The following PCDH11X variants were observed in gnomAD, a reference collection of about 807,000 sequenced individuals.
The protein encoded by PCDH11X is protocadherin-11 X-linked.
PCDH11X carries 18 observed loss-of-function variants against 53.3 expected under a neutral mutation model. The ratio of observed to expected loss-of-function variants is 0.34; its 90% CI spans 0.23 to 0.50. The LOEUF (loss-of-function observed/expected upper bound fraction) is 0.50, where lower values mean the gene tolerates loss of function less well. PCDH11X is among the 20% of genes least tolerant of loss of function. The pLI is 0.98. For missense variants in PCDH11X, 570 were observed against 1,032.4 expected (o/e 0.55, Z 6.14); for synonymous variants, 279 against 393.3 (o/e 0.71, Z 3.44).
At chrX:92,412,787 C>A (rs2071718871) in intron 9 of PCDH11X, among the ~76,000 whole-genome samples, 1 of 108,019 alleles carries the variant, frequency 9.3e-6, no homozygotes, top group Admixed American at 1.0e-4. Flanking sequence ...GTCTCTCTCT[C>A]TGTCTCTGTG....
intron 9 of PCDH11X, among the ~76,000 whole-genome samples, chrX:92,414,648 G>A: frequency 9.2e-6 from 1 of 109,231 alleles, no homozygotes; most frequent in Non-Finnish European, 1.9e-5. Flanking sequence ...TCACCATATT[G>A]ACACATACAC....
intron 4 of PCDH11X, among the ~76,000 whole-genome samples, chrX:91,813,010 G>T (rs1298638175): frequency 9.0e-6 from 1 of 110,995 alleles, no homozygotes; most frequent in Non-Finnish European, 1.9e-5. Flanking sequence ...CCTGTTATTT[G>T]TACCAGGTTT....
chrX:92,608,242 A>T (rs1199618553), intron 10 of PCDH11X, among the ~76,000 whole-genome samples: 3 of 96,672 alleles, frequency 3.1e-5, no homozygotes. Context: ...TGTGAAAACA[A>T]ATTATACTAA....
chrX:92,154,469 A>G (rs1461338966), intron 6 of PCDH11X, among the ~76,000 whole-genome samples: 2 of 106,901 alleles, frequency 1.9e-5, no homozygotes, highest in Admixed American at 2.0e-4. Flanking sequence ...GCGTAGAGAA[A>G]AGCATGTCCC....
At chrX:92,069,810 T>C (rs2063671006) in intron 6 of PCDH11X, among the ~76,000 whole-genome samples, 1 of 111,462 alleles carries the variant, frequency 9.0e-6, no homozygotes, top group African/African-American at 3.3e-5. Context: ...GCCCCGCAAG[T>C]AGCTGGGATT....
chrX:92,459,050 C>G (rs35704033), intron 9 of PCDH11X, among the ~76,000 whole-genome samples: 15,819 of 105,924 alleles, frequency 0.15, 1,014 homozygotes, highest in Non-Finnish European at 0.19. Context: ...GTGATTGCCT[C>G]TCTTTTGGAT....
chrX:92,423,545 A>G (rs2072026400), intron 9 of PCDH11X, among the ~76,000 whole-genome samples: 1 of 91,153 alleles, frequency 1.1e-5, no homozygotes. Context: ...TTTGGGTTCT[A>G]GGTCATGAAG....
chrX:91,818,450 A>G (rs1936522148), intron 4 of PCDH11X, among the ~76,000 whole-genome samples: 2 of 110,901 alleles, frequency 1.8e-5, no homozygotes, highest in Admixed American at 9.7e-5. Context: ...CTGTAATCCC[A>G]GCACTTTGGG....
chrX:92,279,665 T>C lies in PCDH11X; in HGVS notation c.3144+16522T>C, dbSNP rs142776911. ...TTAAACAAACGCTCCTATTAACTTT[T>C]ACTTGCCAATATATTTAACTTTTAC... On this transcript the variant is annotated intron_variant, in intron 8 of 10. Coordinates refer to ENST00000682573, the MANE Select transcript of PCDH11X (RefSeq NM_032968.5). 9.8e-3 allele frequency among the ~76,000 whole-genome samples: 1,106 copies of C among 112,614 alleles called. 21 individuals carry two copies. Among genetic ancestry groups the C allele is most frequent in the African/African-American group, 0.034 (1,052 of 31,051 alleles).
chrX:92,242,375 G>A (rs1010434984), intron 7 of PCDH11X, among the ~76,000 whole-genome samples: 4 of 111,138 alleles, frequency 3.6e-5, no homozygotes, highest in African/African-American at 9.8e-5. Flanking sequence ...GTGAAACCTC[G>A]TATGTAACAT....
At chrX:92,461,845 G>A (rs993149076) in intron 9 of PCDH11X, among the ~76,000 whole-genome samples, 3 of 111,559 alleles carry the variant, frequency 2.7e-5, no homozygotes, top group African/African-American at 9.8e-5. Context: ...TATATGAGGA[G>A]CTCAAACAAC....
chrX:91,995,822 G>T (rs963942372), intron 6 of PCDH11X, among the ~76,000 whole-genome samples: 1 of 108,855 alleles, frequency 9.2e-6, no homozygotes, highest in East Asian at 2.9e-4. Context: ...AGCACATGGG[G>T]TATCCATTTA....
At chrX:92,265,122 A>G (rs1192517849) in intron 8 of PCDH11X, among the ~76,000 whole-genome samples, 6 of 109,194 alleles carry the variant, frequency 5.5e-5, no homozygotes, top group African/African-American at 2.0e-4. Flanking sequence ...CTGGAGTGCA[A>G]TGGCACGATG....
chrX:92,229,123 G>A (rs1275432522), intron 7 of PCDH11X, among the ~76,000 whole-genome samples: 2 of 111,744 alleles, frequency 1.8e-5, no homozygotes, highest in Non-Finnish European at 3.8e-5. Context: ...GTGGTCTACA[G>A]TACTCAGTAA....
rs1168093374 is a variant in PCDH11X at position 92,621,978 on chromosome X, T to TAAG, written c.*3039_*3041dup. 41 of 103,368 alleles carry TAAG rather than the reference T, an allele frequency of 4.0e-4. No individual in the cohort carries two copies. Among genetic ancestry groups the TAAG allele is most frequent in the Middle Eastern group, 5.1e-3 (1 of 195 alleles). The allele number at this position is 103,368 out of a possible 1,213,427, so 8.5% of individuals were successfully genotyped here. A position where few individuals can be genotyped will look rare whatever the true frequency, so the allele number is the denominator to read the frequency against. On this transcript the variant is annotated 3_prime_UTR_variant, in exon 11 of 11. Coordinates refer to ENST00000682573, the MANE Select transcript of PCDH11X (RefSeq NM_032968.5). ...CACTTGTGAGTATGTATTCAAATACTAAGTATCTTATATGCTACGTGCATA... is the reference window on the plus strand; with the variant it reads ...CACTTGTGAGTATGTATTCAAATACTAAGAAGTATCTTATATGCTACGTGCATA...
At chrX:91,793,114 AT>A (rs978794490) in intron 1 of PCDH11X, among the ~76,000 whole-genome samples, 1 of 105,107 alleles carries the variant, frequency 9.5e-6, no homozygotes, top group Non-Finnish European at 2.0e-5. Context: ...ACTCTGGCAG[AT>A]TTTTTTTCAT....
chrX:92,020,190 G>A (rs1028135127), intron 6 of PCDH11X, among the ~76,000 whole-genome samples: 4 of 112,588 alleles, frequency 3.6e-5, no homozygotes, highest in South Asian at 3.7e-4. Flanking sequence ...CCGTGGGAGC[G>A]CAGCCAGCAT....
intron 9 of PCDH11X, among the ~76,000 whole-genome samples, chrX:92,443,290 G>A (rs1340763366): frequency 9.0e-6 from 1 of 111,365 alleles, no homozygotes; most frequent in Non-Finnish European, 1.9e-5. Context: ...CTACCTGTAT[G>A]TCTTCTTAAG....
intron 6 of PCDH11X, among the ~76,000 whole-genome samples, chrX:91,886,551 A>G (rs1322250177): frequency 9.1e-6 from 1 of 110,463 alleles, no homozygotes; most frequent in Admixed American, 9.8e-5. Flanking sequence ...TATATTTCTC[A>G]CTTTTTTATT....
Sources: allele counts gnomAD v4.1 joint callset (sites outside exome capture counted in the v4.1 genomes callset), GRCh38; gene constraint gnomAD v4.1.1; transcripts MANE v1.5; gene names NCBI Gene and HGNC (gene_info 2026-07-23, HGNC 2026-07-21).